Variants in COMMD1 observed in about 807,000 individuals in gnomAD.
The protein encoded by COMMD1 is COMM domain-containing protein 1.
Under a neutral mutation model 17.2 loss-of-function variants are expected in COMMD1, and 10 were observed. The observed-to-expected ratio is 0.58, with a 90% CI of 0.36 to 0.99. The LOEUF (loss-of-function observed/expected upper bound fraction) is 0.99, where lower values mean the gene tolerates loss of function less well. Among genes scored for constraint, COMMD1 ranks in the 50% least tolerant of loss-of-function variants. The pLI is 0.01. For missense variants in COMMD1, 270 were observed against 231.8 expected (o/e 1.17, Z -1.07); for synonymous variants, 97 against 91.6 (o/e 1.06, Z -0.34).
At chr2:62,003,091 G>C (rs1216068684) in intron 2 of COMMD1, among the ~76,000 whole-genome samples, 3 of 152,036 alleles carry the variant, frequency 2.0e-5, no homozygotes, top group Non-Finnish European at 4.4e-5. Flanking sequence ...AAATTAGCTG[G>C]GCATGGTGGC....
intron 2 of COMMD1, among the ~76,000 whole-genome samples, chr2:62,046,335 TTGTA>T (rs1479135747): frequency 1.3e-5 from 2 of 152,258 alleles, no homozygotes; most frequent in African/African-American, 2.4e-5. Flanking sequence ...AGACAGGTGT[TTGTA>T]TGTGTAATTC....
chr2:62,054,278 T>C (rs1320074225), intron 2 of COMMD1, among the ~76,000 whole-genome samples: 1 of 152,156 alleles, frequency 6.6e-6, no homozygotes, highest in Non-Finnish European at 1.5e-5. Context: ...AATGCCAAGA[T>C]AGTATGAAGT....
At chr2:61,981,578 C>T (rs942545319) in intron 1 of COMMD1, among the ~76,000 whole-genome samples, 2 of 152,052 alleles carry the variant, frequency 1.3e-5, no homozygotes, top group Non-Finnish European at 2.9e-5. Context: ...TAAAGACATA[C>T]CCGAGACTGG....
At chr2:62,131,365 A>C (rs1673029843) in intron 2 of COMMD1, among the ~76,000 whole-genome samples, 1 of 152,192 alleles carries the variant, frequency 6.6e-6, no homozygotes, top group East Asian at 1.9e-4. Context: ...ACTTAAATAC[A>C]GGAATTTTAG....
intron 2 of COMMD1, among the ~76,000 whole-genome samples, chr2:62,034,932 T>A (rs748276911): frequency 3.9e-5 from 6 of 151,936 alleles, no homozygotes; most frequent in Non-Finnish European, 7.4e-5. Context: ...CATCATCATC[T>A]TTGCTCTCAT....
At chr2:62,049,610 T>A (rs1220241877) in intron 2 of COMMD1, among the ~76,000 whole-genome samples, 1 of 152,180 alleles carries the variant, frequency 6.6e-6, no homozygotes, top group Non-Finnish European at 1.5e-5. Context: ...CTGCCCTAGG[T>A]GAACATTTCA....
At chr2:62,134,082 A>G (rs1022810143) in intron 2 of COMMD1, among the ~76,000 whole-genome samples, 4 of 152,144 alleles carry the variant, frequency 2.6e-5, no homozygotes, top group African/African-American at 9.7e-5. Context: ...GGTTACAGGC[A>G]TGAGCCACCA....
At chr2:62,098,684 C>T (rs1288453668) in intron 2 of COMMD1, among the ~76,000 whole-genome samples, 1 of 152,206 alleles carries the variant, frequency 6.6e-6, no homozygotes, top group African/African-American at 2.4e-5. Flanking sequence ...CATTGTTTCA[C>T]CTTTGCCCAA....
At chr2:61,945,563 G>T (rs1310903989) in intron 1 of COMMD1, among the ~76,000 whole-genome samples, 1 of 152,244 alleles carries the variant, frequency 6.6e-6, no homozygotes, top group Non-Finnish European at 1.5e-5. Flanking sequence ...AAATATTTGA[G>T]ATAGGTTTCA....
intron 2 of COMMD1, among the ~76,000 whole-genome samples, chr2:62,043,463 A>T (rs895903726): frequency 6.6e-6 from 1 of 152,158 alleles, no homozygotes; most frequent in African/African-American, 2.4e-5. Flanking sequence ...TGAGCCACCA[A>T]GCCCAGCCAG....
chr2:61,943,085 A>T (rs947144085), intron 1 of COMMD1, among the ~76,000 whole-genome samples: 3 of 152,236 alleles, frequency 2.0e-5, no homozygotes, highest in African/African-American at 7.2e-5. Flanking sequence ...AAGTAACAGC[A>T]GACTTAAAGC....
At chr2:61,985,346 G>A (rs1227886911) in intron 1 of COMMD1, among the ~76,000 whole-genome samples, 23 of 152,054 alleles carry the variant, frequency 1.5e-4, no homozygotes, top group Non-Finnish European at 2.9e-4. Context: ...CACCGCACCC[G>A]GCCCTATGTG....
intron 2 of COMMD1, among the ~76,000 whole-genome samples, chr2:62,127,723 A>C (rs775347368): frequency 1.3e-5 from 2 of 152,158 alleles, no homozygotes; most frequent in Non-Finnish European, 2.9e-5. Context: ...ATAAAAATTA[A>C]CTCAAGATGA....
upstream of COMMD1, chr2:61,888,689 C>T (rs1258442897): frequency 1.1e-5 from 7 of 656,434 alleles, no homozygotes; most frequent in South Asian, 1.2e-4. Context: ...GCTGGCGTGA[C>T]GTAGGAGGCT....
intron 1 of COMMD1, among the ~76,000 whole-genome samples, chr2:61,966,526 A>T (rs112701161): frequency 6.6e-6 from 1 of 152,134 alleles, no homozygotes; most frequent in African/African-American, 2.4e-5. Context: ...AATGTATTTC[A>T]TTTCACTTCT....
chr2:62,107,845 T>G (rs1672358338), intron 2 of COMMD1, among the ~76,000 whole-genome samples: 1 of 152,206 alleles, frequency 6.6e-6, no homozygotes, highest in African/African-American at 2.4e-5. Flanking sequence ...TGACAAGATA[T>G]GAAATGTAGT....
chr2:62,045,699 G>A lies in COMMD1; in HGVS notation c.462+44717G>A, dbSNP rs113009190. On this transcript the variant is annotated intron_variant, in intron 2 of 2. Transcript: ENST00000311832. Reference sequence around the variant, plus strand: ...TTGCAGGTGTGAGCCACCAAATCTGGCCTCCTATTATCATCTTTACTTTCA... The same window carrying A: ...TTGCAGGTGTGAGCCACCAAATCTGACCTCCTATTATCATCTTTACTTTCA... Among the ~76,000 whole-genome samples, 1,017 of 148,708 alleles carry A rather than the reference G, an allele frequency of 6.8e-3. 14 individuals carry two copies. The highest frequency in any genetic ancestry group is 0.023 in the African/African-American group (939 of 40,292).
intron 1 of COMMD1, among the ~76,000 whole-genome samples, chr2:61,996,314 ATG>A (rs70946774): frequency 0.35 from 49,645 of 141,398 alleles, 8,537 homozygotes; most frequent in Middle Eastern, 0.45. Flanking sequence ...TGTTTTCTAA[ATG>A]TGTGTGTGTG....
rs546117997 is a variant in COMMD1, at chr2:61,975,835, C to T, written c.181-24866C>T. Among the ~76,000 whole-genome samples the T allele has an allele frequency of 3.9e-5, 6 of 152,156 alleles. No homozygotes were observed. The South Asian group carries it at 6.2e-4, about 16-fold the overall frequency. ...TTCATTGAGGTCTAAGAGCATACTTCGTATAATTTCTATTCTTTTACAATT... is the reference window on the plus strand; with the variant it reads ...TTCATTGAGGTCTAAGAGCATACTTTGTATAATTTCTATTCTTTTACAATT... On this transcript the variant is annotated intron_variant, in intron 1 of 2. Transcript: ENST00000311832.
Sources: allele counts gnomAD v4.1 joint callset (sites outside exome capture counted in the v4.1 genomes callset), GRCh38; gene constraint gnomAD v4.1.1; transcripts MANE v1.5; gene names NCBI Gene and HGNC (gene_info 2026-07-23, HGNC 2026-07-21).